Variants in ZNF486 observed in about 807,000 individuals in gnomAD.
ZNF486 encodes zinc finger protein 486.
Under a neutral mutation model 12.8 loss-of-function variants are expected in ZNF486, and 12 were observed. The ratio of observed to expected loss-of-function variants is 0.94; its 90% CI spans 0.60 to 1.52. The LOEUF (loss-of-function observed/expected upper bound fraction) is 1.52. Among genes scored for constraint, ZNF486 ranks in the 40% most tolerant of loss-of-function variants. The pLI is 0.00. For synonymous variants in ZNF486, 231 were observed against 184.9 expected, an observed-to-expected ratio of 1.25 and a Z score of -2.02; for missense variants, 738 against 545.0, an observed-to-expected ratio of 1.35 and a Z score of -3.53.
intron 1 of ZNF486, among the ~76,000 whole-genome samples, chr19:20,182,812 G>T (rs539590883): frequency 1.3e-5 from 2 of 152,158 alleles, no homozygotes; most frequent in South Asian, 4.1e-4. Flanking sequence ...GTAATCATGT[G>T]TTACTGATAC....
At chr19:20,168,393 G>A (rs1220594820) in intron 1 of ZNF486, among the ~76,000 whole-genome samples, 3 of 152,136 alleles carry the variant, frequency 2.0e-5, no homozygotes, top group Non-Finnish European at 2.9e-5. Context: ...AGTGGCTCAC[G>A]CCTGTAATCC....
rs1351506749 is a variant in ZNF486, at chr19:20,199,245, G to A, written c.*1143G>A. The A allele has an allele frequency of 1.3e-5, 2 of 152,160 alleles. No homozygotes were observed. The highest frequency in any genetic ancestry group is 2.4e-5 in the African/African-American group (1 of 41,460). 9.4% of individuals were successfully genotyped at this position (152,160 alleles called of 1,614,324 possible). On this transcript the variant is annotated 3_prime_UTR_variant, in exon 4 of 4. Transcript: ENST00000335117. ...ATATAAGCCTTTAAGGTGAAGAAGA[G>A]TATTGATTCTGAAGACAAGCATTAC...
At position 20,198,015 on chromosome 19, in the gene ZNF486, A is replaced by C; in HGVS notation, c.1305A>C (p.Lys435Asn). 6.2e-7 allele frequency: 1 copy of C among 1,613,238 alleles called. No individual in the cohort carries two copies. The highest frequency in any genetic ancestry group is 8.5e-7 in the Non-Finnish European group (1 of 1,179,508). The change falls in exon 4 of 4, where the codon AAA becomes AAC. Residue 435 changes from lysine to asparagine, a missense_variant. Physicochemically the swap from Lys to Asn is moderately conservative, Grantham distance 94. Coordinates refer to ENST00000335117, the MANE Select transcript of ZNF486 (RefSeq NM_052852.4). The stretch of plus-strand genomic sequence containing the variant: ...CTCATACTGGAGAGAAACCTTACAA[A>C]TGTAAAGAATGTGGCAAAGCTTTTA... ...KTTHTGEKPY[K>N]CKECGKAFNW...
At position 20,169,610 on chromosome 19, in the gene ZNF486, G is replaced by C. The variant is rs559718724; in HGVS notation, c.30+2250G>C. On this transcript the variant is annotated intron_variant, in intron 1 of 3. Coordinates refer to ENST00000335117, the MANE Select transcript of ZNF486 (RefSeq NM_052852.4). ...TTACTGATAATAAAGCTATTGTTTT[G>C]AGGCACTTTTTAGACTTTTTAAGAT... Among the ~76,000 whole-genome samples, 19 of 152,228 alleles carry C rather than the reference G, an allele frequency of 1.2e-4. No homozygotes were observed. The East Asian group carries it at 3.3e-3, about 26-fold the overall frequency.
rs781818600 is a variant in ZNF486 at position 20,198,133 on chromosome 19, TGA to T, written c.*35_*36del. The T allele has an allele frequency of 2.0e-4, 296 of 1,507,920 alleles. 1 individual carries two copies. Among genetic ancestry groups the T allele is most frequent in the Non-Finnish European group, 1.1e-5 (12 of 1,127,548 alleles). The allele number at this position is 1,507,920 out of a possible 1,614,324, so 93.4% of individuals were successfully genotyped here. On this transcript the variant is annotated 3_prime_UTR_variant, in exon 4 of 4. Transcript: ENST00000335117. ...GATTATTTTATTATTATTATTTTTT[TGA>T]GAGGTAATTCTGCTGTTGTTTCCCA...
In ZNF486 at chr19:20,200,234, T is replaced by G. The variant is rs574079693; in HGVS notation, c.*2132T>G. On this transcript the variant is annotated 3_prime_UTR_variant, in exon 4 of 4. Coordinates refer to ENST00000335117, the MANE Select transcript of ZNF486 (RefSeq NM_052852.4). Reference sequence around the variant, plus strand: ...TTTGCTGCATCAGAGATATTAGAGATAGTTTTTTATTAATTGGGCATTTAT... The same window carrying G: ...TTTGCTGCATCAGAGATATTAGAGAGAGTTTTTTATTAATTGGGCATTTAT... 19 of 152,232 alleles carry G rather than the reference T, an allele frequency of 1.2e-4. No individual in the cohort carries two copies. In the East Asian group the frequency reaches 1.9e-3, roughly 15 times the overall value. 9.4% of individuals were successfully genotyped at this position (152,232 alleles called of 1,614,324 possible). A position where few individuals can be genotyped will look rare whatever the true frequency, so the allele number is the denominator to read the frequency against.
chr19:20,181,471 G>A (rs1012984772), intron 1 of ZNF486, among the ~76,000 whole-genome samples: 45 of 151,362 alleles, frequency 3.0e-4, no homozygotes, highest in African/African-American at 1.0e-3. Context: ...CCCAGGAGGC[G>A]GAGCTTGCAG....
At position 20,197,833 on chromosome 19, in the gene ZNF486, G is replaced by A; in HGVS notation, c.1123G>A (p.Glu375Lys). The change falls in exon 4 of 4, where the codon GAG becomes AAG. Residue 375 changes from glutamate to lysine, a missense_variant. Transcript: ENST00000335117. ...LTMHKIIHTG[E>K]KPYKCEECGK... ...TATGCATAAGATAATTCATACTGGAGAGAAACCATACAAATGTGAAGAATG... is the reference window on the plus strand; with the variant it reads ...TATGCATAAGATAATTCATACTGGAAAGAAACCATACAAATGTGAAGAATG... 1 of 1,613,680 alleles carries A rather than the reference G, an allele frequency of 6.2e-7. No homozygotes were observed. Among genetic ancestry groups the A allele is most frequent in the East Asian group, 2.2e-5 (1 of 44,866 alleles).
At chr19:20,193,296 A>G (rs13344205) in intron 3 of ZNF486, among the ~76,000 whole-genome samples, 2,331 of 147,224 alleles carry the variant, frequency 0.016, 61 homozygotes, top group African/African-American at 0.055. Context: ...TTTATGTACC[A>G]TCTTTTTTTT....
chr19:20,173,583 C>A (rs1175200054), intron 1 of ZNF486, among the ~76,000 whole-genome samples: 1 of 152,134 alleles, frequency 6.6e-6, no homozygotes, highest in African/African-American at 2.4e-5. Flanking sequence ...GTAATCCCAG[C>A]ACTTTTGGAG....
intron 1 of ZNF486, among the ~76,000 whole-genome samples, chr19:20,167,958 C>A (rs2089603136): frequency 6.6e-6 from 1 of 152,128 alleles, no homozygotes; most frequent in Non-Finnish European, 1.5e-5. Flanking sequence ...GCTCGTTTAT[C>A]CTATTTGGAA....
chr19:20,185,404 G>GTTTTTTTTTTTTTTTTT (rs782413355), intron 2 of ZNF486, among the ~76,000 whole-genome samples: 2 of 69,604 alleles, frequency 2.9e-5, no homozygotes, highest in Non-Finnish European at 5.1e-5. Flanking sequence ...TATTGTTTAT[G>GTTTTTTTTTTTTTTTTT]TTTTTTTTTT....
intron 3 of ZNF486, among the ~76,000 whole-genome samples, chr19:20,186,439 T>A (rs2089847256): frequency 6.6e-6 from 1 of 152,184 alleles, no homozygotes; most frequent in African/African-American, 2.4e-5. Context: ...AAACCCTTTT[T>A]TAAGTTGTCT....
intron 1 of ZNF486, among the ~76,000 whole-genome samples, 161 bp from the exon 2 acceptor site, chr19:20,184,194 GA>G (rs2089816626): frequency 6.6e-6 from 1 of 151,956 alleles, no homozygotes; most frequent in Non-Finnish European, 1.5e-5. Flanking sequence ...CAGAGATAGA[GA>G]ATACATTAGA....
rs2089980419 is a variant in ZNF486 at position 20,198,156 on chromosome 19, T to G, written c.*54T>G. On this transcript the variant is annotated 3_prime_UTR_variant, in exon 4 of 4. Coordinates refer to ENST00000335117, the MANE Select transcript of ZNF486 (RefSeq NM_052852.4). ...TTTGAGAGGTAATTCTGCTGTTGTT[T>G]CCCAGGCTGGAGTGCAATGGCATAA... is the stretch of plus-strand genomic sequence containing the variant. 2 of 1,471,170 alleles carry G rather than the reference T, an allele frequency of 1.4e-6. No homozygotes were observed. The highest frequency in any genetic ancestry group is 2.4e-5 in the Admixed American group (1 of 41,938). 91.1% of individuals were successfully genotyped at this position (1,471,170 alleles called of 1,614,324 possible).
chr19:20,171,980 A>G (rs1555713941), intron 1 of ZNF486, among the ~76,000 whole-genome samples: 1 of 146,488 alleles, frequency 6.8e-6, no homozygotes, highest in African/African-American at 2.5e-5. Context: ...TTTCTACGTT[A>G]GTTTCCTTTT....
intron 3 of ZNF486, among the ~76,000 whole-genome samples, chr19:20,193,469 G>A (rs1316915623): frequency 1.3e-5 from 2 of 151,816 alleles, no homozygotes; most frequent in Non-Finnish European, 2.9e-5. Flanking sequence ...AGAGCAGCCT[G>A]GCCAACATGG....
intron 3 of ZNF486, among the ~76,000 whole-genome samples, chr19:20,196,191 A>C (rs2089956657): frequency 6.6e-6 from 1 of 152,048 alleles, no homozygotes; most frequent in South Asian, 2.1e-4. Context: ...ATTTGTTTGT[A>C]TTTTAGTAGA....
chr19:20,180,608 G>C (rs1483774637), intron 1 of ZNF486, among the ~76,000 whole-genome samples: 1 of 152,118 alleles, frequency 6.6e-6, no homozygotes, highest in East Asian at 1.9e-4. Flanking sequence ...GAATCTCACT[G>C]TGTTACCCAG....
Sources: gnomAD v4.1 joint callset for allele counts (sites outside exome capture counted in the v4.1 genomes callset) on GRCh38, gnomAD v4.1.1 for gene constraint, MANE v1.5 for transcripts, NCBI Gene and HGNC (gene_info 2026-07-23, HGNC 2026-07-21) for gene names.